Variants in HECW1 observed in about 807,000 individuals in gnomAD.
The protein encoded by HECW1 is HECT, C2 and WW domain containing E3 ubiquitin protein ligase 1, also known as E3 ubiquitin-protein ligase HECW1.
In HECW1, 61 loss-of-function variants were observed where a neutral mutation model predicts 182.3. That is an observed-to-expected ratio of 0.33 (90% CI 0.27 to 0.41). The LOEUF (loss-of-function observed/expected upper bound fraction) is 0.41. Among genes scored for constraint, HECW1 ranks in the 10% least tolerant of loss-of-function variants. The pLI, the probability that HECW1 is intolerant of heterozygous loss-of-function variation, is 1.00. For missense variants in HECW1, 1,739 were observed against 2,108.9 expected (o/e 0.82, Z 3.44); for synonymous variants, 859 against 832.6 (o/e 1.03, Z -0.55).
chr7:43,485,235 A>G (rs1305423746), intron 17 of HECW1, among the ~76,000 whole-genome samples: 1 of 152,194 alleles, frequency 6.6e-6, no homozygotes, highest in Non-Finnish European at 1.5e-5. Context: ...CTTTGATGGC[A>G]GAAGTCATTT....
chr7:43,515,546 G>A (rs2080105340), intron 24 of HECW1, among the ~76,000 whole-genome samples: 1 of 152,160 alleles, frequency 6.6e-6, no homozygotes, highest in Admixed American at 6.5e-5. Context: ...TAAATGGTGG[G>A]AAGTTAAGTA....
intron 5 of HECW1, among the ~76,000 whole-genome samples, chr7:43,335,637 TTAGA>T (rs1337707004): frequency 6.6e-5 from 10 of 152,264 alleles, no homozygotes; most frequent in African/African-American, 1.4e-4. Context: ...CCAAAATGAC[TTAGA>T]TACTCACAAA....
At chr7:43,393,500 A>G (rs2152835956) in intron 6 of HECW1, among the ~76,000 whole-genome samples, 1 of 152,306 alleles carries the variant, frequency 6.6e-6, no homozygotes, top group Non-Finnish European at 1.5e-5. Context: ...TTCCTGGAAA[A>G]TGTTTATTAT....
intron 24 of HECW1, among the ~76,000 whole-genome samples, chr7:43,512,324 C>A (rs943348361): frequency 2.7e-4 from 41 of 152,324 alleles, no homozygotes; most frequent in Admixed American, 1.3e-3. Context: ...CCCTGCCCAC[C>A]TCCCTTCACT....
At chr7:43,429,349 T>G (rs1381151280) in intron 8 of HECW1, among the ~76,000 whole-genome samples, 2 of 138,550 alleles carry the variant, frequency 1.4e-5, no homozygotes, top group Admixed American at 7.5e-5. Context: ...TATATGCAGA[T>G]TCCCTGCAGT....
chr7:43,244,711 C>T (rs1403034953), intron 3 of HECW1, among the ~76,000 whole-genome samples: 1 of 152,208 alleles, frequency 6.6e-6, no homozygotes, highest in Non-Finnish European at 1.5e-5. Flanking sequence ...GTCTGCCTGT[C>T]TGAGCTGGAG....
chr7:43,556,523 C>T (rs2082028410), intron 29 of HECW1, among the ~76,000 whole-genome samples: 1 of 151,896 alleles, frequency 6.6e-6, no homozygotes, highest in African/African-American at 2.4e-5. Context: ...CTCGTCTCTA[C>T]AAAAAATTTA....
chr7:43,134,222 T>C (rs111423084), intron 2 of HECW1, among the ~76,000 whole-genome samples: 4,937 of 151,806 alleles, frequency 0.033, 285 homozygotes, highest in African/African-American at 0.11. Flanking sequence ...GATGAAACCC[T>C]GTCTCTACTA....
chr7:43,299,988 A>G (rs1373533494), intron 3 of HECW1, among the ~76,000 whole-genome samples: 2 of 152,352 alleles, frequency 1.3e-5, no homozygotes, highest in East Asian at 3.9e-4. Flanking sequence ...ACTTTTCCCC[A>G]TGGAGCTCTT....
intron 6 of HECW1, among the ~76,000 whole-genome samples, chr7:43,373,192 G>A (rs1401323812): frequency 6.8e-6 from 1 of 147,870 alleles, no homozygotes; most frequent in Non-Finnish European, 1.5e-5. Context: ...GTGTCGTTCT[G>A]CCTTCTTCCT....
chr7:43,370,620 G>A (rs1380158002), intron 6 of HECW1, among the ~76,000 whole-genome samples: 3 of 151,970 alleles, frequency 2.0e-5, no homozygotes, highest in Non-Finnish European at 4.4e-5. Context: ...CCTTTAGCAG[G>A]CAAGCAGATA....
chr7:43,406,875 C>T (rs532116590), intron 7 of HECW1, among the ~76,000 whole-genome samples: 1 of 152,200 alleles, frequency 6.6e-6, no homozygotes, highest in African/African-American at 2.4e-5. Context: ...GCCAAGATCC[C>T]ACCACTGCAC....
intron 3 of HECW1, among the ~76,000 whole-genome samples, chr7:43,273,514 T>G (rs1036697697): frequency 2.0e-5 from 3 of 152,106 alleles, no homozygotes; most frequent in Non-Finnish European, 2.9e-5. Flanking sequence ...ATACAATTAG[T>G]TAACTACTTT....
At chr7:43,222,012 C>T (rs528544937) in intron 2 of HECW1, among the ~76,000 whole-genome samples, 3 of 152,264 alleles carry the variant, frequency 2.0e-5, no homozygotes, top group African/African-American at 7.2e-5. Flanking sequence ...TAGTCTCAGA[C>T]CTACTGAATC....
chr7:43,334,585 A>C (rs927236686), intron 5 of HECW1, among the ~76,000 whole-genome samples: 2 of 152,218 alleles, frequency 1.3e-5, no homozygotes, highest in African/African-American at 4.8e-5. Context: ...AGAACCTGGT[A>C]CATATTTAGA....
At position 43,543,756 on chromosome 7, in the gene HECW1, G is replaced by A. The variant is rs1046435953; in HGVS notation, c.4248+1758G>A. ...ATCACGTCATTGCACTCCAGCCTGG[G>A]CAACAAGAGCAAAACTCCATCTCAC... is the stretch of plus-strand genomic sequence containing the variant. On this transcript the variant is annotated intron_variant, in intron 26 of 29. Transcript: ENST00000395891. Among the ~76,000 whole-genome samples, 41 of 141,522 alleles carry A rather than the reference G, an allele frequency of 2.9e-4. No homozygotes were observed. The Admixed American group carries it at 3.0e-3, about 10-fold the overall frequency. The allele number at this position is 141,522 out of a possible 152,430, so 92.8% of individuals were successfully genotyped here.
intron 8 of HECW1, among the ~76,000 whole-genome samples, chr7:43,426,191 A>G (rs1347288220): frequency 2.0e-5 from 3 of 152,204 alleles, no homozygotes; most frequent in Non-Finnish European, 4.4e-5. Flanking sequence ...AGGTCACAGA[A>G]CATCCTTTTA....
chr7:43,124,528 C>T (rs79246905), intron 2 of HECW1, among the ~76,000 whole-genome samples: 26,743 of 152,192 alleles, frequency 0.18, 2,638 homozygotes, highest in South Asian at 0.24. Context: ...GCACACATCT[C>T]CCAGGACCAC....
At chr7:43,457,527 C>T (rs1294262116) in intron 13 of HECW1, among the ~76,000 whole-genome samples, 1 of 152,132 alleles carries the variant, frequency 6.6e-6, no homozygotes, top group Admixed American at 6.5e-5. Flanking sequence ...AATCCCAGCA[C>T]TTTGGGAGGC....
Sources: gnomAD v4.1 joint callset for allele counts (sites outside exome capture counted in the v4.1 genomes callset) on GRCh38, gnomAD v4.1.1 for gene constraint, MANE v1.5 for transcripts, NCBI Gene and HGNC (gene_info 2026-07-23, HGNC 2026-07-21) for gene names.